UHRF2: variants seen among roughly 807,000 people sequenced by gnomAD.
UHRF2 encodes E3 ubiquitin-protein ligase UHRF2.
A neutral mutation model predicts 96.8 loss-of-function variants in UHRF2; 23 were observed. That is an observed-to-expected ratio of 0.24 (90% CI 0.17 to 0.34). UHRF2 has a LOEUF of 0.34. Among genes scored for constraint, UHRF2 ranks in the 10% least tolerant of loss-of-function variants. The pLI is 1.00. For missense variants in UHRF2, 685 were observed against 981.5 expected (o/e 0.70, Z 4.04); for synonymous variants, 385 against 332.6 (o/e 1.16, Z -1.72).
intron 11 of UHRF2, 39 bp downstream of exon 11, chr9:6,497,399 C>A (rs775737937): frequency 2.5e-6 from 4 of 1,602,886 alleles, no homozygotes; most frequent in East Asian, 2.2e-5. Flanking sequence ...GTCATTCTTC[C>A]TGGGCTTTCA....
intron 4 of UHRF2, among the ~76,000 whole-genome samples, chr9:6,471,273 G>A (rs1023927541): frequency 6.6e-6 from 1 of 152,130 alleles, no homozygotes; most frequent in African/African-American, 2.4e-5. Flanking sequence ...ATCAGTGGCT[G>A]TGCAGGAGAA....
At chr9:6,453,802 G>GGCT in intron 3 of UHRF2, among the ~76,000 whole-genome samples, 1 of 152,282 alleles carries the variant, frequency 6.6e-6, no homozygotes, top group Middle Eastern at 3.4e-3. Flanking sequence ...CTACTTGGGA[G>GGCT]GCTGAGGCAG....
chr9:6,439,382 C>T (rs1456903263), intron 3 of UHRF2, among the ~76,000 whole-genome samples: 3 of 152,154 alleles, frequency 2.0e-5, no homozygotes, highest in Non-Finnish European at 4.4e-5. Flanking sequence ...CCATGTTGGC[C>T]AGGTTGGTCT....
At position 6,433,991 on chromosome 9, in the gene UHRF2, T is replaced by C; in HGVS notation, c.462T>C (p.Ala154=). Residue 154 remains alanine, a synonymous_variant, in exon 3 of 16, where the codon GCT becomes GCC. Coordinates refer to ENST00000276893, the MANE Select transcript of UHRF2 (RefSeq NM_152896.3). The part of the protein sequence containing the change: ...FEAHIHSVTR[A]SDGQSRGKTP... ...CACACATACATAGTGTTACTAGAGC[T>C]TCTGATGGACAGTCACGTGGCAAAA... 1 of 1,614,110 alleles carries C rather than the reference T, an allele frequency of 6.2e-7. No individual in the cohort carries two copies. The highest frequency in any genetic ancestry group is 8.5e-7 in the Non-Finnish European group (1 of 1,180,032).
At chr9:6,469,578 G>A in intron 4 of UHRF2, among the ~76,000 whole-genome samples, 1 of 151,400 alleles carries the variant, frequency 6.6e-6, no homozygotes, top group Non-Finnish European at 1.5e-5. Flanking sequence ...ATAGGATTAG[G>A]AAACCAGAAG....
chr9:6,443,194 A>G (rs1821283338), intron 3 of UHRF2, among the ~76,000 whole-genome samples: 1 of 152,238 alleles, frequency 6.6e-6, no homozygotes, highest in South Asian at 2.1e-4. Context: ...AACTGTGGGC[A>G]AATGATCGCC....
At chr9:6,418,884 C>G (rs961090198) in intron 1 of UHRF2, among the ~76,000 whole-genome samples, 15 of 152,248 alleles carry the variant, frequency 9.9e-5, no homozygotes, top group Admixed American at 9.8e-4. Context: ...TCAGCAGGGC[C>G]GTCCTCTGAT....
At chr9:6,486,749 A>G in intron 8 of UHRF2, 72 bp from the exon 9 acceptor site, 2 of 1,447,630 alleles carry the variant, frequency 1.4e-6, no homozygotes, top group Admixed American at 1.9e-5. Context: ...CCAAGAATAT[A>G]TATGAAAGCA....
rs1563810609 is a variant in UHRF2, at chr9:6,500,567, C to T, written c.2021C>T (p.Ala674Val). 13 of 1,611,930 alleles carry T rather than the reference C, an allele frequency of 8.1e-6. No individual in the cohort carries two copies. The highest frequency in any genetic ancestry group is 1.0e-5 in the Non-Finnish European group (12 of 1,179,630). The change falls in exon 14 of 16, where the codon GCC becomes GTC. Residue 674 changes from alanine to valine, a missense_variant. Coordinates refer to ENST00000276893, the MANE Select transcript of UHRF2 (RefSeq NM_152896.3). Reference protein sequence around the residue: ...RPISDDDCPSASKVYKASDSA... With the variant: ...RPISDDDCPSVSKVYKASDSA... ...ATAAATCTAGATGACTGTCCAAGTGCCTCCAAAGTGTACAAAGCATCAGAT... is the reference window on the plus strand; with the variant it reads ...ATAAATCTAGATGACTGTCCAAGTGTCTCCAAAGTGTACAAAGCATCAGAT...
intron 4 of UHRF2, among the ~76,000 whole-genome samples, chr9:6,465,083 C>T (rs1051430261): frequency 1.2e-4 from 18 of 151,508 alleles, no homozygotes; most frequent in South Asian, 2.1e-4. Context: ...CCTTATTCAC[C>T]AGTTGGGCCC....
At chr9:6,484,833 G>A (rs1308091275) in intron 8 of UHRF2, 1 of 62,554 alleles carries the variant, frequency 1.6e-5, no homozygotes, top group Non-Finnish European at 2.8e-5. Flanking sequence ...TGCTGTTGTT[G>A]CCCAGGCTGG....
rs1460831649 is a variant in UHRF2, at chr9:6,413,826, G to A, written c.153+183G>A. Reference sequence around the variant, plus strand: ...AGTCCCGCCGAATGGTGGGGAGTGGGTCCCTGCCAGCCCCAACTGGAGGTG... The same window carrying A: ...AGTCCCGCCGAATGGTGGGGAGTGGATCCCTGCCAGCCCCAACTGGAGGTG... On this transcript the variant is annotated intron_variant, in intron 1 of 15. Transcript: ENST00000276893. 52 of 698,272 alleles carry A rather than the reference G, an allele frequency of 7.4e-5. No homozygotes were observed. The East Asian group carries it at 1.8e-3, about 25-fold the overall frequency. 43.3% of individuals were successfully genotyped at this position (698,272 alleles called of 1,614,324 possible). A position where few individuals can be genotyped will look rare whatever the true frequency, so the allele number is the denominator to read the frequency against.
chr9:6,477,101 C>G (rs574811669), intron 5 of UHRF2, among the ~76,000 whole-genome samples: 1 of 152,120 alleles, frequency 6.6e-6, no homozygotes, highest in East Asian at 1.9e-4. Flanking sequence ...GGTGTGGTGG[C>G]AGGCGCCTGT....
In UHRF2 at chr9:6,460,696, T is replaced by C. The variant is rs769015407; in HGVS notation, c.768T>C (p.Ser256=). 2.0e-5 allele frequency: 33 copies of C among 1,613,812 alleles called. No homozygotes were observed. The highest frequency in any genetic ancestry group is 2.8e-5 in the Non-Finnish European group (33 of 1,179,978). The change falls in exon 4 of 16, where the codon AGT becomes AGC. Residue 256 remains serine (S), a synonymous_variant. Transcript: ENST00000276893. Reference sequence around the variant, plus strand: ...TAATGGTTAATTATAATGTAGAAAGTCCTGGACAAAGAGGATTCTGGTTTG... The same window carrying C: ...TAATGGTTAATTATAATGTAGAAAGCCCTGGACAAAGAGGATTCTGGTTTG... The part of the protein sequence containing the change: ...DVVMVNYNVE[S]PGQRGFWFDA...
chr9:6,475,983 T>A (rs1215039207), intron 5 of UHRF2, among the ~76,000 whole-genome samples: 1 of 152,184 alleles, frequency 6.6e-6, no homozygotes, highest in Non-Finnish European at 1.5e-5. Context: ...TTATTCCTTC[T>A]GTCTAACTGT....
intron 12 of UHRF2, 89 bp from the exon 13 acceptor site, chr9:6,499,741 TTCCCC>T (rs1301703219): frequency 1.4e-6 from 1 of 705,004 alleles, no homozygotes; most frequent in Admixed American, 3.1e-5. Context: ...ACGTGTAGTC[TTCCCC>T]TCCCTTTTAA....
At chr9:6,444,738 G>T (rs1033081912) in intron 3 of UHRF2, among the ~76,000 whole-genome samples, 13 of 152,218 alleles carry the variant, frequency 8.5e-5, no homozygotes, top group South Asian at 4.1e-4. Context: ...AAGTAGCTGG[G>T]ATTACAGGCA....
At chr9:6,470,803 CAAAT>C (rs1255944668) in intron 4 of UHRF2, among the ~76,000 whole-genome samples, 1 of 151,966 alleles carries the variant, frequency 6.6e-6, no homozygotes, top group Non-Finnish European at 1.5e-5. Context: ...GGATTTTTAA[CAAAT>C]TAACACACTG....
intron 4 of UHRF2, among the ~76,000 whole-genome samples, chr9:6,467,075 G>A (rs896685725): frequency 6.6e-6 from 1 of 152,176 alleles, no homozygotes; most frequent in East Asian, 1.9e-4. Flanking sequence ...ATAAAGCATA[G>A]TACAGTTTGG....
Sources: allele counts gnomAD v4.1 joint callset (sites outside exome capture counted in the v4.1 genomes callset), GRCh38; gene constraint gnomAD v4.1.1; transcripts MANE v1.5; gene names NCBI Gene and HGNC (gene_info 2026-07-23, HGNC 2026-07-21).